IFT88: variants seen among roughly 807,000 people sequenced by gnomAD.
The protein encoded by IFT88 is intraflagellar transport 88.
Under a neutral mutation model 119.5 loss-of-function variants are expected in IFT88, and 74 were observed. The ratio of observed to expected loss-of-function variants is 0.62; its 90% CI spans 0.51 to 0.75. The LOEUF (loss-of-function observed/expected upper bound fraction) is 0.75, where lower values mean the gene tolerates loss of function less well. Ranked by LOEUF, IFT88 falls within the 30% of genes least tolerant of loss-of-function variation. The probability of loss-of-function intolerance (pLI) is 0.00; values close to 1 mark genes in which losing one functional copy is unlikely to be tolerated. For missense variants in IFT88, 961 were observed against 977.7 expected, an observed-to-expected ratio of 0.98 and a Z score of 0.23; for synonymous variants, 279 against 316.7, an observed-to-expected ratio of 0.88 and a Z score of 1.26.
chr13:20,585,355 TCCA>T, intron 3 of IFT88, among the ~76,000 whole-genome samples: 1 of 152,116 alleles, frequency 6.6e-6, no homozygotes, highest in Non-Finnish European at 1.5e-5. Flanking sequence ...CAAATTAAAA[TCCA>T]CCAAGGGAAG....
At chr13:20,687,022 CAAAAAAAA>C (rs370247448) in intron 24 of IFT88, among the ~76,000 whole-genome samples, 23 of 59,832 alleles carry the variant, frequency 3.8e-4, no homozygotes, top group Admixed American at 3.7e-3. Flanking sequence ...ACTTTCTTAC[CAAAAAAAA>C]AAAAAAAAAA....
chr13:20,572,328 C>T (rs940063630), intron 1 of IFT88, among the ~76,000 whole-genome samples: 15 of 152,204 alleles, frequency 9.9e-5, no homozygotes, highest in African/African-American at 2.2e-4. Context: ...AAGCGATTCT[C>T]GTGCCTCAGC....
At chr13:20,684,559 G>C (rs10870742) in intron 24 of IFT88, among the ~76,000 whole-genome samples, 140,128 of 152,280 alleles carry the variant, frequency 0.92, 64,562 homozygotes, top group East Asian at 1. Context: ...CAGCACCATC[G>C]TTGTATGCCT....
At chr13:20,595,781 T>G (rs2041536469) in intron 7 of IFT88, among the ~76,000 whole-genome samples, 1 of 152,088 alleles carries the variant, frequency 6.6e-6, no homozygotes, top group Admixed American at 6.5e-5. Context: ...GGCTCACACC[T>G]GTAATCCCAG....
chr13:20,615,131 A>G (rs749882042), intron 13 of IFT88, among the ~76,000 whole-genome samples: 2 of 152,190 alleles, frequency 1.3e-5, no homozygotes, highest in Non-Finnish European at 2.9e-5. Flanking sequence ...GATTATTTCT[A>G]TATTAATACA....
At chr13:20,567,880 T>C (rs934625161) in intron 1 of IFT88, 71 of 729,918 alleles carry the variant, frequency 9.7e-5, no homozygotes, top group Middle Eastern at 3.4e-4. Flanking sequence ...TTTTTTTTTT[T>C]CGAGAAACTG....
At position 20,625,801 on chromosome 13, in the gene IFT88, G is replaced by A. The variant is rs1254924924; in HGVS notation, c.1251G>A (p.Leu417=). ...ASQYVELAND[L]EINKAVTYLR... is the part of the protein sequence containing the mutation. ...AATATGTAGAGCTAGCCAATGATCT[G>A]GAAATAAACAAAGCAGTTACATACT... Residue 417 remains leucine, a synonymous_variant, in exon 15 of 26, where the codon CTG becomes CTA. Transcript: ENST00000351808. The A allele has an allele frequency of 3.7e-6, 6 of 1,601,540 alleles. No homozygotes were observed. The highest frequency in any genetic ancestry group is 5.1e-6 in the Non-Finnish European group (6 of 1,176,578).
At chr13:20,597,769 A>ATATT (rs1452719272) in intron 9 of IFT88, among the ~76,000 whole-genome samples, 91 of 143,842 alleles carry the variant, frequency 6.3e-4, no homozygotes, top group Admixed American at 3.0e-3. Context: ...ATATATATAT[A>ATATT]TTTTTTTTTT....
At chr13:20,617,478 T>C (rs1410300067) in intron 14 of IFT88, among the ~76,000 whole-genome samples, 1 of 152,198 alleles carries the variant, frequency 6.6e-6, no homozygotes, top group Non-Finnish European at 1.5e-5. Context: ...TTATCCAGTT[T>C]AATCAGGAGT....
intron 20 of IFT88, among the ~76,000 whole-genome samples, chr13:20,646,841 T>C (rs1431968621): frequency 6.6e-6 from 1 of 151,748 alleles, no homozygotes. Context: ...CCTTTCTTGC[T>C]AACATTCCTG....
chr13:20,644,895 A>G lies in IFT88; in HGVS notation c.1886A>G (p.Tyr629Cys), dbSNP rs748603147. The G allele has an allele frequency of 3.1e-6, 5 of 1,607,254 alleles. No homozygotes were observed. Among genetic ancestry groups the G allele is most frequent in the East Asian group, 4.5e-5 (2 of 44,712 alleles). ...NIEVIEWLGA[Y>C]YIDTQFWEKA... ...GAAGTCATTGAGTGGCTTGGAGCCT[A>G]TTACATTGACACCCAATTTTGGGAA... The change falls in exon 20 of 26, where the codon TAT becomes TGT. Residue 629 changes from tyrosine (Y) to cysteine (C), a missense_variant. By Grantham distance (194) the Tyr-to-Cys change is radical. Transcript: ENST00000351808.
chr13:20,671,550 A>C (rs1467257457), intron 24 of IFT88, among the ~76,000 whole-genome samples: 4 of 152,198 alleles, frequency 2.6e-5, no homozygotes, highest in Non-Finnish European at 5.9e-5. Flanking sequence ...TAAATGCTAT[A>C]GGCTTTTGGT....
chr13:20,648,969 C>G (rs2051170808), intron 20 of IFT88, among the ~76,000 whole-genome samples: 1 of 152,006 alleles, frequency 6.6e-6, no homozygotes, highest in African/African-American at 2.4e-5. Flanking sequence ...TTCGTTACTG[C>G]AAGAATGTAC....
At chr13:20,595,156 C>T (rs923930136) in intron 7 of IFT88, among the ~76,000 whole-genome samples, 1 of 152,222 alleles carries the variant, frequency 6.6e-6, no homozygotes, top group Non-Finnish European at 1.5e-5. Context: ...GTCAACTACT[C>T]AGGAGGCTGA....
chr13:20,671,217 T>A (rs932631483), intron 24 of IFT88, among the ~76,000 whole-genome samples, 178 bp downstream of exon 24: 1 of 151,940 alleles, frequency 6.6e-6, no homozygotes, highest in Non-Finnish European at 1.5e-5. Flanking sequence ...AAATGAGTAT[T>A]TGTAAATGCT....
chr13:20,611,500 G>A (rs2044502357), intron 13 of IFT88, among the ~76,000 whole-genome samples: 1 of 104,574 alleles, frequency 9.6e-6, no homozygotes, highest in Non-Finnish European at 1.7e-5. Flanking sequence ...GGGAGACAGA[G>A]CATGACCCAG....
At chr13:20,602,206 C>CTTTTTTTTTT (rs11458148) in intron 12 of IFT88, among the ~76,000 whole-genome samples, 4 of 118,186 alleles carry the variant, frequency 3.4e-5, no homozygotes, top group African/African-American at 1.3e-4. Flanking sequence ...AGCATAATAT[C>CTTTTTTTTTT]TTTTTTTTTT....
rs773966898 is a variant in IFT88, at chr13:20,605,068, A to G, written c.1075A>G (p.Ile359Val). ...TCATACTAACTTAGTAACTGAAGCT[A>G]TAAAAAATGATCACCTCAGGCAAAT... ...DPHTNLVTEA[I>V]KNDHLRQMER... is the part of the protein sequence containing the mutation. Residue 359 changes from isoleucine to valine, a missense_variant, in exon 13 of 26, where the codon ATA becomes GTA. By Grantham distance (29) the Ile-to-Val change is conservative. Coordinates refer to ENST00000351808, the MANE Select transcript of IFT88 (RefSeq NM_006531.5). The G allele has an allele frequency of 1.1e-5, 17 of 1,516,084 alleles. No homozygotes were observed. In the South Asian group the frequency reaches 1.9e-4, roughly 17 times the overall value. 93.9% of individuals were successfully genotyped at this position (1,516,084 alleles called of 1,614,324 possible).
At chr13:20,666,537 T>C (rs1208789862) in intron 23 of IFT88, among the ~76,000 whole-genome samples, 1 of 152,216 alleles carries the variant, frequency 6.6e-6, no homozygotes, top group Non-Finnish European at 1.5e-5. Flanking sequence ...TGCGAGTTTA[T>C]GGTCACAGAT....
Sources: gnomAD v4.1 joint callset for allele counts (sites outside exome capture counted in the v4.1 genomes callset) on GRCh38, gnomAD v4.1.1 for gene constraint, MANE v1.5 for transcripts, NCBI Gene and HGNC (gene_info 2026-07-23, HGNC 2026-07-21) for gene names.